Variants in UGP2 observed in about 807,000 individuals in gnomAD.
UGP2 encodes UDP-glucose pyrophosphorylase 2, also known as UTP--glucose-1-phosphate uridylyltransferase.
UGP2 carries 40 observed loss-of-function variants against 49.0 expected under a neutral mutation model. The observed-to-expected ratio is 0.82, with a 90% CI of 0.63 to 1.06. The LOEUF is 1.06. UGP2 is among the 50% of genes least tolerant of loss of function. UGP2 has a pLI of 0.00. For missense variants in UGP2, 460 were observed against 603.5 expected, an observed-to-expected ratio of 0.76 and a Z score of 2.49; for synonymous variants, 225 against 213.0, an observed-to-expected ratio of 1.06 and a Z score of -0.49.
At chr2:63,861,722 A>G (rs534435744) in intron 3 of UGP2, among the ~76,000 whole-genome samples, 1 of 151,096 alleles carries the variant, frequency 6.6e-6, no homozygotes, top group African/African-American at 2.4e-5. Context: ...CGACTTTTTC[A>G]TTTCAATATT....
chr2:63,888,359 G>GCT (rs1430457944), intron 8 of UGP2: 3 of 152,172 alleles, frequency 2.0e-5, no homozygotes, highest in African/African-American at 7.2e-5. Context: ...TTTGCCATAG[G>GCT]CTAATTGATA....
chr2:63,843,035 A>G (rs970119681), intron 1 of UGP2, among the ~76,000 whole-genome samples: 4 of 152,226 alleles, frequency 2.6e-5, no homozygotes, highest in East Asian at 1.9e-4. Flanking sequence ...TGAAAGCTTC[A>G]GCCATCTTGA....
rs771806303 is a variant in UGP2 at position 63,891,430 on chromosome 2, A to AAGTT, written c.*208_*211dup. ...TTTCCTTCTTTGAAGAGAATCCCAA[A>AAGTT]AGTTAGTTCATCTTAAAGTGCAATA... is the stretch of plus-strand genomic sequence containing the variant. On this transcript the variant is annotated 3_prime_UTR_variant, in exon 10 of 10. Coordinates refer to ENST00000337130, the MANE Select transcript of UGP2 (RefSeq NM_006759.4). 9.9e-5 allele frequency: 39 copies of AAGTT among 395,888 alleles called. No individual in the cohort carries two copies. Among genetic ancestry groups the AAGTT allele is most frequent in the Admixed American group, 8.7e-4 (20 of 22,908 alleles). The allele number at this position is 395,888 out of a possible 1,614,324, so 24.5% of individuals were successfully genotyped here.
intron 3 of UGP2, among the ~76,000 whole-genome samples, chr2:63,876,958 A>G (rs1428894653): frequency 6.6e-6 from 1 of 152,280 alleles, no homozygotes; most frequent in East Asian, 1.9e-4. Flanking sequence ...TATATTTAGT[A>G]TACCTTTTGG....
At chr2:63,857,747 A>G in intron 2 of UGP2, 82 bp from the exon 3 acceptor site, 1 of 1,339,570 alleles carries the variant, frequency 7.5e-7, no homozygotes, top group Non-Finnish European at 1.0e-6. Context: ...GATATTTTAA[A>G]TGTGTAACTT....
intron 7 of UGP2, 85 bp from the exon 8 acceptor site, chr2:63,887,317 C>T: frequency 2.0e-6 from 3 of 1,525,502 alleles, no homozygotes; most frequent in Non-Finnish European, 2.6e-6. Context: ...GAAATCACTT[C>T]CCAAATATTA....
rs191938493 is a variant in UGP2, at chr2:63,841,969, C to T, written c.-217C>T. 368 of 525,558 alleles carry T rather than the reference C, an allele frequency of 7.0e-4. 2 individuals are homozygous for T. The East Asian group carries it at 0.011, about 16-fold the overall frequency. 32.6% of individuals were successfully genotyped at this position (525,558 alleles called of 1,614,324 possible). A position where few individuals can be genotyped will look rare whatever the true frequency, so the allele number is the denominator to read the frequency against. On this transcript the variant is annotated 5_prime_UTR_variant, in exon 1 of 10. Transcript: ENST00000337130. ...AAACCGACTCAGTCGCACCAAGTTT[C>T]CGTCTTTTGGAATTGGGGAAGGAGT...
At chr2:63,881,807 C>T (rs1671338113) in intron 3 of UGP2, among the ~76,000 whole-genome samples, 1 of 152,176 alleles carries the variant, frequency 6.6e-6, no homozygotes, top group Admixed American at 6.5e-5. Context: ...CAGGGCATTT[C>T]TTAGAACAGT....
At chr2:63,849,108 A>G (rs1414839132) in intron 1 of UGP2, among the ~76,000 whole-genome samples, 3 of 152,232 alleles carry the variant, frequency 2.0e-5, no homozygotes, top group African/African-American at 4.8e-5. Context: ...TTCTGTGTAA[A>G]TCAAGAGAAT....
At chr2:63,861,333 T>TA (rs1669827104) in intron 3 of UGP2, among the ~76,000 whole-genome samples, 1 of 152,000 alleles carries the variant, frequency 6.6e-6, no homozygotes, top group South Asian at 2.1e-4. Flanking sequence ...AGATCAGAGT[T>TA]ACGAGGAAGT....
chr2:63,851,449 A>G (rs776838676), intron 1 of UGP2, among the ~76,000 whole-genome samples: 4 of 152,208 alleles, frequency 2.6e-5, no homozygotes, highest in Non-Finnish European at 4.4e-5. Flanking sequence ...GCCTCTTGGA[A>G]TGTTCAGAAG....
At chr2:63,845,836 G>A (rs536495588) in intron 1 of UGP2, among the ~76,000 whole-genome samples, 64 of 152,262 alleles carry the variant, frequency 4.2e-4, no homozygotes, top group African/African-American at 1.4e-3. Context: ...TAGGCATTGT[G>A]CCTTAGAGGA....
chr2:63,859,762 G>T (rs1024359349), intron 3 of UGP2, among the ~76,000 whole-genome samples: 1 of 152,164 alleles, frequency 6.6e-6, no homozygotes, highest in African/African-American at 2.4e-5. Flanking sequence ...TTCATTAAAA[G>T]TGTCTTTATT....
intron 8 of UGP2, 110 bp downstream of exon 8, chr2:63,887,754 G>A (rs1248567148): frequency 1.5e-6 from 2 of 1,374,992 alleles, no homozygotes; most frequent in East Asian, 2.3e-5. Context: ...CTGACCTGTT[G>A]TATTCCTCTG....
At chr2:63,871,565 C>T (rs1446717241) in intron 3 of UGP2, among the ~76,000 whole-genome samples, 3 of 152,244 alleles carry the variant, frequency 2.0e-5, no homozygotes, top group Admixed American at 1.3e-4. Context: ...GGATTACAGG[C>T]GTGAGCCACT....
chr2:63,858,902 CTT>C (rs1669640267), intron 3 of UGP2, among the ~76,000 whole-genome samples: 4 of 135,898 alleles, frequency 2.9e-5, no homozygotes, highest in Non-Finnish European at 4.7e-5. Context: ...CCCCGAAACA[CTT>C]ATAACTTTTG....
chr2:63,865,645 C>T (rs1670133971), intron 3 of UGP2, among the ~76,000 whole-genome samples: 1 of 150,628 alleles, frequency 6.6e-6, no homozygotes, highest in Non-Finnish European at 1.5e-5. Context: ...CTCAAGGGAT[C>T]CTCTTGCCTC....
chr2:63,842,206 T>C lies in UGP2; in HGVS notation c.19+2T>C, dbSNP rs755675605. ...CTAAAATGTCGAGATTTGTACAAGG[T>C]AAGAAATGCTGCTGCTTATATCCCG... On this transcript the variant is annotated splice_donor_variant, in intron 1 of 9. Coordinates refer to ENST00000337130, the MANE Select transcript of UGP2 (RefSeq NM_006759.4). LOFTEE classifies it high-confidence loss of function. The C allele has an allele frequency of 1.2e-6, 2 of 1,605,686 alleles. No individual in the cohort carries two copies. Among genetic ancestry groups the C allele is most frequent in the South Asian group, 2.2e-5 (2 of 89,742 alleles).
chr2:63,845,839 T>A (rs957807720), intron 1 of UGP2, among the ~76,000 whole-genome samples: 5 of 152,200 alleles, frequency 3.3e-5, no homozygotes, highest in African/African-American at 7.2e-5. Flanking sequence ...GCATTGTGCC[T>A]TAGAGGAAAG....
Sources: allele counts gnomAD v4.1 joint callset (sites outside exome capture counted in the v4.1 genomes callset), GRCh38; gene constraint gnomAD v4.1.1; transcripts MANE v1.5; gene names NCBI Gene and HGNC (gene_info 2026-07-23, HGNC 2026-07-21).